RADX: variants seen among roughly 807,000 people sequenced by gnomAD.
RADX encodes RPA1 related single stranded DNA binding protein, X-linked, also known as RPA-related protein RADX.
Under a neutral mutation model 61.6 loss-of-function variants are expected in RADX, and 36 were observed. The ratio of observed to expected loss-of-function variants is 0.58; its 90% CI spans 0.45 to 0.77. RADX has a LOEUF of 0.77. Ranked by LOEUF, RADX falls within the 30% of genes least tolerant of loss-of-function variation. The pLI is 0.00. For missense variants in RADX, 497 were observed against 651.1 expected, an observed-to-expected ratio of 0.76 and a Z score of 2.58; for synonymous variants, 272 against 237.9, an observed-to-expected ratio of 1.14 and a Z score of -1.32.
intron 10 of RADX, 146 bp downstream of exon 10, chrX:106,640,867 G>A (rs1190692014): frequency 1.5e-5 from 6 of 395,292 alleles, no homozygotes; most frequent in Non-Finnish European, 2.5e-5. Flanking sequence ...CTTAAACACT[G>A]AAATTTGTTG....
At chrX:106,628,017 G>A (rs1320675178) in intron 3 of RADX, among the ~76,000 whole-genome samples, 2 of 110,745 alleles carry the variant, frequency 1.8e-5, no homozygotes, top group African/African-American at 6.6e-5. Flanking sequence ...TGTTTTTTTA[G>A]TAGAGACGAG....
chrX:106,624,827 T>C (rs1188257125), intron 2 of RADX, among the ~76,000 whole-genome samples: 1 of 111,613 alleles, frequency 9.0e-6, no homozygotes, highest in African/African-American at 3.3e-5. Context: ...ACGGACTGCC[T>C]TTTAGGCCCA....
In RADX at chrX:106,678,294, T is replaced by G. The variant is rs1928559048; in HGVS notation, c.*36T>G. On this transcript the variant is annotated 3_prime_UTR_variant, in exon 14 of 14. Coordinates refer to ENST00000372548, the MANE Select transcript of RADX (RefSeq NM_018015.6). ...ATGAAATTATTACAGATTATACGAG[T>G]GTACTGCTTTAAAGATATTCCATCA... 340 of 991,581 alleles carry G rather than the reference T, an allele frequency of 3.4e-4. No homozygotes were observed. The highest frequency in any genetic ancestry group is 4.5e-4 in the Non-Finnish European group (318 of 712,142). The allele number at this position is 991,581 out of a possible 1,213,427, so 81.7% of individuals were successfully genotyped here.
intron 11 of RADX, among the ~76,000 whole-genome samples, chrX:106,658,222 A>C (rs1328947610): frequency 2.7e-5 from 3 of 112,197 alleles, no homozygotes; most frequent in African/African-American, 9.7e-5. Context: ...TTATATCAGA[A>C]AAGTAGATTT....
chrX:106,631,519 G>A (rs1017073474), intron 3 of RADX, among the ~76,000 whole-genome samples: 1 of 107,228 alleles, frequency 9.3e-6, no homozygotes, highest in African/African-American at 3.5e-5. Flanking sequence ...ATCAGCCTGG[G>A]CAACATAAGA....
chrX:106,633,009 G>T lies in RADX; in HGVS notation c.1166G>T (p.Arg389Leu). ...GLLVFVGRVQ[R>L]SKKKENREDF... The stretch of plus-strand genomic sequence containing the variant: ...TTAGTTTTTGTAGGAAGGGTCCAGC[G>T]GTCAAAAAAGAAAGGTAAGCTTTTA... The change falls in exon 5 of 14, where the codon CGG becomes CTG. Residue 389 changes from arginine (R) to leucine (L), a missense_variant. Arg to Leu is a moderately radical substitution (Grantham distance 102). Transcript: ENST00000372548. The T allele has an allele frequency of 8.3e-7, 1 of 1,203,400 alleles. No homozygotes were observed. Among genetic ancestry groups the T allele is most frequent in the Non-Finnish European group, 1.1e-6 (1 of 889,951 alleles).
At chrX:106,670,110 T>C (rs927396194) in intron 13 of RADX, among the ~76,000 whole-genome samples, 2 of 111,705 alleles carry the variant, frequency 1.8e-5, no homozygotes, top group African/African-American at 6.5e-5. Context: ...GAGCTGTGCC[T>C]GATGACAAAG....
intron 13 of RADX, among the ~76,000 whole-genome samples, chrX:106,669,705 A>G (rs963529100): frequency 6.3e-5 from 7 of 111,615 alleles, no homozygotes; most frequent in African/African-American, 2.3e-4. Flanking sequence ...ATAACTCTAT[A>G]GTATAATACA....
chrX:106,621,925 G>GTTT (rs368340491), intron 1 of RADX, among the ~76,000 whole-genome samples: 5 of 89,940 alleles, frequency 5.6e-5, no homozygotes, highest in Non-Finnish European at 4.4e-5. Flanking sequence ...CAATTCTATG[G>GTTT]TTTTTTTTTT....
intron 13 of RADX, among the ~76,000 whole-genome samples, 162 bp downstream of exon 13, chrX:106,669,492 A>G (rs2879796): frequency 0.11 from 12,248 of 111,652 alleles, 1,644 homozygotes; most frequent in African/African-American, 0.38. Flanking sequence ...AAATGAGAAT[A>G]TGTCTTTTAA....
intron 12 of RADX, among the ~76,000 whole-genome samples, chrX:106,666,520 T>G (rs1435725241): frequency 2.7e-5 from 3 of 111,727 alleles, no homozygotes; most frequent in Non-Finnish European, 5.7e-5. Flanking sequence ...ACCCCAGAAG[T>G]AGAAATAATT....
In RADX at chrX:106,667,603, G is replaced by A. The variant is rs938098021; in HGVS notation, c.2270-1560G>A. On this transcript the variant is annotated intron_variant, in intron 12 of 13. Transcript: ENST00000372548. ...GCCTCCCAAAGTGCTGGAATTACAG[G>A]CATGAGCCACCACACCCGACCAGAA... is the stretch of plus-strand genomic sequence containing the variant. Among the ~76,000 whole-genome samples, 4 of 111,479 alleles carry A rather than the reference G, an allele frequency of 3.6e-5. No homozygotes were observed. In the Admixed American group the frequency reaches 3.8e-4, roughly 11 times the overall value.
At chrX:106,667,571 C>T (rs925329172) in intron 12 of RADX, among the ~76,000 whole-genome samples, 3 of 111,080 alleles carry the variant, frequency 2.7e-5, no homozygotes, top group Non-Finnish European at 5.7e-5. Context: ...GCAATCCACC[C>T]ACCTCGGCCT....
At chrX:106,617,399 G>C (rs1482082565) in intron 1 of RADX, among the ~76,000 whole-genome samples, 1 of 110,866 alleles carries the variant, frequency 9.0e-6, no homozygotes, top group African/African-American at 3.3e-5. Flanking sequence ...TATTATACCA[G>C]GTTTTTAAAA....
Position 106,637,752 on chromosome X carries a change from G to C in RADX, c.1409-8G>C. The C allele has an allele frequency of 8.8e-7, 1 of 1,135,920 alleles. No homozygotes were observed. The highest frequency in any genetic ancestry group is 2.3e-5 in the South Asian group (1 of 43,274). 93.6% of individuals were successfully genotyped at this position (1,135,920 alleles called of 1,213,427 possible). On this transcript the variant is annotated splice_region_variant and splice_polypyrimidine_tract_variant and intron_variant, in intron 7 of 13. Transcript: ENST00000372548. ...TCATTTTTTATGATTTACCCTTCCC[G>C]CGAGGAGGTCATAGAGGCCAGCCGT...
At position 106,678,813 on chromosome X, in the gene RADX, G is replaced by A. The variant is rs1928575039; in HGVS notation, c.*555G>A. On this transcript the variant is annotated 3_prime_UTR_variant, in exon 14 of 14. Coordinates refer to ENST00000372548, the MANE Select transcript of RADX (RefSeq NM_018015.6). ...GCTTGCTCAGCTGCAAAATAAGCGT[G>A]CTAAATTAAATTGTCTTAAGGTTTT... The A allele has an allele frequency of 8.9e-6, 1 of 111,913 alleles. No homozygotes were observed. The highest frequency in any genetic ancestry group is 3.3e-5 in the African/African-American group (1 of 30,749). The allele number at this position is 111,913 out of a possible 1,213,427, so 9.2% of individuals were successfully genotyped here.
chrX:106,659,161 TG>T (rs1160276140), intron 11 of RADX, among the ~76,000 whole-genome samples: 1 of 111,236 alleles, frequency 9.0e-6, no homozygotes, highest in Non-Finnish European at 1.9e-5. Flanking sequence ...ATTATTACTT[TG>T]TAGAGACAGG....
intron 9 of RADX, 63 bp from the exon 10 acceptor site, chrX:106,640,489 T>C (rs1927482287): frequency 1.2e-6 from 1 of 802,957 alleles, no homozygotes; most frequent in Non-Finnish European, 1.7e-6. Context: ...AAAATTGTAG[T>C]CTTTTATGAG....
rs763178702 is a variant in RADX, at chrX:106,632,674, A to T, written c.1029A>T (p.Pro343=). The change falls in exon 4 of 14, where the codon CCA becomes CCT. Residue 343 remains proline (P), a synonymous_variant. Transcript: ENST00000372548. ...CCCCAACAAATATAATTATCATTCC[A>T]GAAAAGCAGGTGAAACCAGAATGGA... ...RDPPTNIIII[P]EKQVKPEWRL... The T allele has an allele frequency of 5.0e-6, 6 of 1,203,105 alleles. No individual in the cohort carries two copies. In the Admixed American group the frequency reaches 1.1e-4, roughly 22 times the overall value.
Sources: allele counts gnomAD v4.1 joint callset (sites outside exome capture counted in the v4.1 genomes callset), GRCh38; gene constraint gnomAD v4.1.1; transcripts MANE v1.5; gene names NCBI Gene and HGNC (gene_info 2026-07-23, HGNC 2026-07-21).